The following RERG variants were observed in gnomAD, a reference collection of about 807,000 sequenced individuals.
RERG encodes the protein RAS like estrogen regulated growth inhibitor, also known as ras-related and estrogen-regulated growth inhibitor.
Under a neutral mutation model 23.2 loss-of-function variants are expected in RERG, and 25 were observed. The ratio of observed to expected loss-of-function variants is 1.08; its 90% confidence interval spans 0.79 to 1.50. RERG has a LOEUF of 1.50. Ranked by LOEUF, RERG falls within the 40% of genes most tolerant of loss-of-function variation. The pLI is 0.00. For missense variants in RERG, 253 were observed against 250.1 expected, an observed-to-expected ratio of 1.01 and a Z score of -0.08; for synonymous variants, 81 against 89.1, an observed-to-expected ratio of 0.91 and a Z score of 0.51.
At chr12:15,163,744 A>G (rs1864647248) in intron 2 of RERG, among the ~76,000 whole-genome samples, 1 of 152,240 alleles carries the variant, frequency 6.6e-6, no homozygotes, top group Non-Finnish European at 1.5e-5. Context: ...ACCAGAGCCC[A>G]GCATCTGGAG....
intron 2 of RERG, among the ~76,000 whole-genome samples, chr12:15,143,746 T>A (rs936159180): frequency 6.6e-6 from 1 of 150,784 alleles, no homozygotes; most frequent in Non-Finnish European, 1.5e-5. Context: ...GTATGTTATA[T>A]GGTGGTAAGT....
intron 2 of RERG, among the ~76,000 whole-genome samples, chr12:15,173,745 A>C (rs935075215): frequency 6.6e-6 from 1 of 151,714 alleles, no homozygotes; most frequent in Non-Finnish European, 1.5e-5. Flanking sequence ...TTGTTAATAA[A>C]ATTGTTTTCT....
intron 4 of RERG, among the ~76,000 whole-genome samples, chr12:15,110,455 ATTTTTTTCTTTTTTTTTTTTTTTT>A (rs1863586026): frequency 1.7e-5 from 1 of 59,326 alleles, no homozygotes; most frequent in Admixed American, 1.8e-4. Context: ...TCCAGTGGCC[ATTTTTTTCTTTTTTTTTTTTTTTT>A]TTTTTTTTTT....
intron 2 of RERG, among the ~76,000 whole-genome samples, chr12:15,162,311 T>C (rs1864627102): frequency 6.6e-6 from 1 of 152,074 alleles, no homozygotes; most frequent in Admixed American, 6.6e-5. Flanking sequence ...CTTACATCAA[T>C]CAGAATAAAA....
At chr12:15,161,930 A>T (rs1040172803) in intron 2 of RERG, among the ~76,000 whole-genome samples, 1 of 152,226 alleles carries the variant, frequency 6.6e-6, no homozygotes, top group East Asian at 1.9e-4. Flanking sequence ...TGAAGCTTAA[A>T]TAATTTTCAT....
rs1565503901 is a variant in RERG at position 15,110,479 on chromosome 12, T to TTTTTTC, written c.192+864_192+865insGAAAAA. ...CATTTTTTTCTTTTTTTTTTTTTTT[T>TTTTTTC]TTTTTTTTTTTTTTACTGAGACGGA... On this transcript the variant is annotated intron_variant, in intron 4 of 4. Coordinates refer to ENST00000256953, the MANE Select transcript of RERG (RefSeq NM_032918.3). Among the ~76,000 whole-genome samples, 4 of 127,620 alleles carry TTTTTTC rather than the reference T, an allele frequency of 3.1e-5. 1 individual carries two copies. Among genetic ancestry groups the TTTTTTC allele is most frequent in the African/African-American group, 6.0e-5 (2 of 33,256 alleles). 83.7% of individuals were successfully genotyped at this position (127,620 alleles called of 152,430 possible). A position where few individuals can be genotyped will look rare whatever the true frequency, so the allele number is the denominator to read the frequency against.
intron 2 of RERG, among the ~76,000 whole-genome samples, chr12:15,184,716 G>A (rs1864967377): frequency 6.6e-6 from 1 of 152,166 alleles, no homozygotes; most frequent in African/African-American, 2.4e-5. Context: ...TGTGAAACAT[G>A]AATATTGCCA....
At chr12:15,206,164 T>C (rs907713956) in intron 2 of RERG, among the ~76,000 whole-genome samples, 1 of 152,104 alleles carries the variant, frequency 6.6e-6, no homozygotes, top group South Asian at 2.1e-4. Flanking sequence ...TCAAAGTTCA[T>C]CCTGTCACAA....
At position 15,127,623 on chromosome 12, in the gene RERG, T is replaced by C. The variant is rs966974478; in HGVS notation, c.62-6504A>G. The stretch of plus-strand genomic sequence containing the variant: ...TCAAAAGACTTCAGAGAAGTAAAAA[T>C]GAGCATTATTCACAAAAATAGAGAA... On this transcript the variant is annotated intron_variant, in intron 2 of 4. Coordinates refer to ENST00000256953, the MANE Select transcript of RERG (RefSeq NM_032918.3). Among the ~76,000 whole-genome samples the C allele has an allele frequency of 1.1e-4, 17 of 152,188 alleles. 1 individual carries two copies. Among genetic ancestry groups the C allele is most frequent in the African/African-American group, 3.4e-4 (14 of 41,444 alleles).
chr12:15,195,051 C>T (rs1397877017), intron 2 of RERG, among the ~76,000 whole-genome samples: 2 of 152,058 alleles, frequency 1.3e-5, no homozygotes, highest in Admixed American at 6.6e-5. Flanking sequence ...TAATCTACTA[C>T]CCAGAAAGCT....
chr12:15,166,468 ATAAT>A (rs1407612900), intron 2 of RERG, among the ~76,000 whole-genome samples: 7 of 151,614 alleles, frequency 4.6e-5, no homozygotes, highest in South Asian at 4.2e-4. Context: ...CAGTCTCATG[ATAAT>A]TGATGATGAT....
chr12:15,148,416 A>G (rs1864370089), intron 2 of RERG, among the ~76,000 whole-genome samples: 1 of 152,208 alleles, frequency 6.6e-6, no homozygotes, highest in Non-Finnish European at 1.5e-5. Flanking sequence ...GAAATGACCT[A>G]AAAAACAAAC....
chr12:15,114,248 A>T (rs1863677778), intron 3 of RERG, among the ~76,000 whole-genome samples: 1 of 152,082 alleles, frequency 6.6e-6, no homozygotes, highest in Non-Finnish European at 1.5e-5. Flanking sequence ...AAAAAATGAG[A>T]TAAAAAATAA....
At chr12:15,177,833 CTGTT>C (rs1193920138) in intron 2 of RERG, among the ~76,000 whole-genome samples, 50 of 122,558 alleles carry the variant, frequency 4.1e-4, no homozygotes, top group African/African-American at 1.2e-3. Context: ...CTGGCTCCCT[CTGTT>C]TGTTTTTTTT....
intron 2 of RERG, among the ~76,000 whole-genome samples, chr12:15,160,314 C>T (rs1019794240): frequency 2.0e-5 from 3 of 152,054 alleles, no homozygotes; most frequent in African/African-American, 7.2e-5. Flanking sequence ...GCGCGGGTAC[C>T]GACCACTTGA....
At chr12:15,201,556 G>C (rs1865215119) in intron 2 of RERG, among the ~76,000 whole-genome samples, 1 of 149,298 alleles carries the variant, frequency 6.7e-6, no homozygotes, top group South Asian at 2.1e-4. Flanking sequence ...GCTAATAATA[G>C]TAATTAATAA....
At chr12:15,118,771 C>A (rs559732828) in intron 3 of RERG, among the ~76,000 whole-genome samples, 6 of 152,164 alleles carry the variant, frequency 3.9e-5, no homozygotes, top group Admixed American at 1.3e-4. Context: ...TCCCTTCTGC[C>A]GTGAGTAAAA....
intron 2 of RERG, among the ~76,000 whole-genome samples, chr12:15,134,307 TTTTTC>T (rs768060185): frequency 2.0e-5 from 3 of 152,138 alleles, no homozygotes; most frequent in Non-Finnish European, 2.9e-5. Flanking sequence ...CATTTTTTTC[TTTTTC>T]TTTTCTTCTT....
chr12:15,190,219 T>C (rs1865050815), intron 2 of RERG, among the ~76,000 whole-genome samples: 1 of 152,102 alleles, frequency 6.6e-6, no homozygotes, highest in South Asian at 2.1e-4. Flanking sequence ...GTTCCAGGGG[T>C]GTCCAATCTT....
Sources: allele counts gnomAD v4.1 joint callset (sites outside exome capture counted in the v4.1 genomes callset), GRCh38; gene constraint gnomAD v4.1.1; transcripts MANE v1.5; gene names NCBI Gene and HGNC (gene_info 2026-07-23, HGNC 2026-07-21).